Variants in ABI3BP observed in about 807,000 individuals in gnomAD.
ABI3BP encodes the protein ABI family member 3 binding protein, also known as target of Nesh-SH3.
Under a neutral mutation model 268.6 loss-of-function variants are expected in ABI3BP, and 216 were observed. The observed-to-expected ratio is 0.80, with a 90% CI of 0.72 to 0.90. The LOEUF (loss-of-function observed/expected upper bound fraction) is 0.90. Among genes scored for constraint, ABI3BP ranks in the 40% least tolerant of loss-of-function variants. ABI3BP has a pLI of 0.00. For synonymous variants in ABI3BP, 730 were observed against 730.0 expected (o/e 1.00, Z 0.00); for missense variants, 2,090 against 2,182.4 (o/e 0.96, Z 0.84).
chr3:100,861,521 G>T (rs1426253789), intron 14 of ABI3BP, among the ~76,000 whole-genome samples: 1 of 152,136 alleles, frequency 6.6e-6, no homozygotes, highest in African/African-American at 2.4e-5. Context: ...AATCATGGAA[G>T]TAATCATAAA....
At chr3:100,786,994 T>C (rs2097069841) in intron 57 of ABI3BP, among the ~76,000 whole-genome samples, 2 of 152,124 alleles carry the variant, frequency 1.3e-5, no homozygotes, top group Non-Finnish European at 2.9e-5. Flanking sequence ...CAGATATATA[T>C]ACATTAAATA....
At chr3:100,940,570 C>T (rs2068516000) in intron 1 of ABI3BP, among the ~76,000 whole-genome samples, 1 of 150,922 alleles carries the variant, frequency 6.6e-6, no homozygotes, top group Non-Finnish European at 1.5e-5. Context: ...GGTAACCAAC[C>T]TACCATTCCG....
In ABI3BP at chr3:100,839,572, T is replaced by C. The variant is rs9841585; in HGVS notation, c.1942A>G (p.Thr648Ala). The change falls in exon 24 of 68, where the codon ACT (threonine) becomes GCT (alanine). Residue 648 changes from threonine (T) to alanine (A), a missense_variant. By Grantham distance (58) the Thr-to-Ala change is moderately conservative (BLOSUM62 0). Transcript: ENST00000471714. ...TIQPEPLVPT[T>A]ASKPSERPKT... Reference sequence around the variant, plus strand: ...GTGGTGGAGGGAGTAGAATTACCAGTTGTGGGCACCAAGGGCTCCGGTTGT... The same window carrying C: ...GTGGTGGAGGGAGTAGAATTACCAGCTGTGGGCACCAAGGGCTCCGGTTGT... 329,731 of 1,535,268 alleles carry C rather than the reference T, an allele frequency of 0.21. 36,313 individuals are homozygous for C. The highest frequency in any genetic ancestry group is 0.29 in the Admixed American group (14,930 of 50,952).
At chr3:100,971,387 T>G (rs984481469) in intron 1 of ABI3BP, among the ~76,000 whole-genome samples, 1 of 152,154 alleles carries the variant, frequency 6.6e-6, no homozygotes, top group Non-Finnish European at 1.5e-5. Flanking sequence ...AAAAAGCAAG[T>G]GTTTCAAGAG....
At chr3:100,808,384 G>A (rs937719439) in intron 49 of ABI3BP, 149 bp from the exon 50 acceptor site, 1 of 492,846 alleles carries the variant, frequency 2.0e-6, no homozygotes, top group African/African-American at 2.0e-5. Flanking sequence ...GTATAGGAAG[G>A]TAACTTTTTT....
intron 19 of ABI3BP, among the ~76,000 whole-genome samples, chr3:100,847,224 CATTAAA>C (rs1160392733): frequency 3.9e-5 from 6 of 152,098 alleles, no homozygotes; most frequent in African/African-American, 7.2e-5. Context: ...ATTCTACTAA[CATTAAA>C]ATTAAAAGTT....
intron 12 of ABI3BP, 21 bp from the exon 13 acceptor site, chr3:100,862,930 A>T: frequency 2.6e-6 from 4 of 1,518,034 alleles, no homozygotes; most frequent in East Asian, 2.5e-5. Context: ...ACACATAAAG[A>T]AAGTTACGAC....
chr3:100,786,818 G>A (rs1293111623), intron 57 of ABI3BP, among the ~76,000 whole-genome samples: 1 of 152,066 alleles, frequency 6.6e-6, no homozygotes, highest in Non-Finnish European at 1.5e-5. Context: ...TGAATTTATA[G>A]TATTGGCCTC....
intron 63 of ABI3BP, among the ~76,000 whole-genome samples, chr3:100,765,187 GAACT>G (rs1395215183): frequency 6.7e-6 from 1 of 150,086 alleles, no homozygotes; most frequent in Non-Finnish European, 1.5e-5. Context: ...GTAATAAAAT[GAACT>G]AATAAAATGT....
chr3:100,956,508 T>A (rs2076907910), intron 1 of ABI3BP, among the ~76,000 whole-genome samples: 2 of 152,310 alleles, frequency 1.3e-5, no homozygotes, highest in Non-Finnish European at 2.9e-5. Flanking sequence ...ATTGACCAGA[T>A]GGAGCCTGGG....
chr3:100,845,827 C>T (rs2098760103), intron 20 of ABI3BP, among the ~76,000 whole-genome samples: 1 of 149,758 alleles, frequency 6.7e-6, no homozygotes, highest in South Asian at 2.1e-4. Flanking sequence ...TAGAATGATC[C>T]CTTCCTGCAA....
chr3:100,846,176 T>C (rs950160955), intron 20 of ABI3BP, among the ~76,000 whole-genome samples, 196 bp downstream of exon 20: 1 of 152,210 alleles, frequency 6.6e-6, no homozygotes. Flanking sequence ...GTGATGATCA[T>C]GAACATTGCT....
At chr3:100,779,192 C>G (rs960155201) in intron 58 of ABI3BP, among the ~76,000 whole-genome samples, 1 of 152,190 alleles carries the variant, frequency 6.6e-6, no homozygotes, top group Non-Finnish European at 1.5e-5. Flanking sequence ...CGAGGTAACC[C>G]TGATAGCTGA....
At chr3:100,863,135 C>T in intron 12 of ABI3BP, 1 of 466,168 alleles carries the variant, frequency 2.1e-6, no homozygotes, top group Non-Finnish European at 3.8e-6. Flanking sequence ...TATTTGGACT[C>T]TTCTTTCCAC....
chr3:100,807,184 G>A (rs1439289003), intron 50 of ABI3BP, among the ~76,000 whole-genome samples: 3 of 151,640 alleles, frequency 2.0e-5, no homozygotes, highest in Non-Finnish European at 2.9e-5. Context: ...TATTTTTAAC[G>A]TTAGATTTTA....
At position 100,840,159 on chromosome 3, in the gene ABI3BP, G is replaced by A. The variant is rs776455220; in HGVS notation, c.1810C>T (p.Arg604Ter). The change falls in exon 23 of 68, where the codon CGA becomes TGA. Residue 604 changes from arginine to a stop codon, truncating the protein, a stop_gained. Coordinates refer to ENST00000471714, the MANE Select transcript of ABI3BP (RefSeq NM_001375547.2). LOFTEE classifies it high-confidence loss of function. ...GTKPSTTLAP[R>*]KTKRPGRRPR... ...CGACGACCTGGTCTTTTGGTCTTTC[G>A]TGGTGCTGAAGAAAGAAAATTAGCA... The A allele has an allele frequency of 1.2e-5, 18 of 1,530,938 alleles. No individual in the cohort carries two copies. The highest frequency in any genetic ancestry group is 2.5e-5 in the East Asian group (1 of 40,612). 94.8% of individuals were successfully genotyped at this position (1,530,938 alleles called of 1,614,324 possible).
intron 2 of ABI3BP, among the ~76,000 whole-genome samples, chr3:100,925,851 T>C (rs532993819): frequency 1.9e-5 from 1 of 51,700 alleles, no homozygotes. Flanking sequence ...TTATAATACA[T>C]AGAAAAACTT....
intron 63 of ABI3BP, among the ~76,000 whole-genome samples, chr3:100,755,170 ACAT>A (rs2095551714): frequency 6.6e-6 from 1 of 152,214 alleles, no homozygotes; most frequent in Non-Finnish European, 1.5e-5. Context: ...TGTCAGAATC[ACAT>A]CATAGGGTGG....
Position 100,967,469 on chromosome 3 carries a change from A to G in ABI3BP, c.79+25837T>C, listed in dbSNP as rs1585186408. Among the ~76,000 whole-genome samples the G allele has an allele frequency of 2.0e-5, 3 of 147,938 alleles. No homozygotes were observed. The East Asian group carries it at 6.0e-4, about 29-fold the overall frequency. On this transcript the variant is annotated intron_variant, in intron 1 of 67. Coordinates refer to ENST00000471714, the MANE Select transcript of ABI3BP (RefSeq NM_001375547.2). Reference sequence around the variant, plus strand: ...CAGTGAGCTGAGGTAGCGCCGCTGCACTCTAGCCTGGGTGACAGAGTGAGA... The same window carrying G: ...CAGTGAGCTGAGGTAGCGCCGCTGCGCTCTAGCCTGGGTGACAGAGTGAGA...
Sources: gnomAD v4.1 joint callset for allele counts (sites outside exome capture counted in the v4.1 genomes callset) on GRCh38, gnomAD v4.1.1 for gene constraint, MANE v1.5 for transcripts, NCBI Gene and HGNC (gene_info 2026-07-23, HGNC 2026-07-21) for gene names.